KIAA1217: variants seen among roughly 807,000 people sequenced by gnomAD.
The protein encoded by KIAA1217 is KIAA1217.
KIAA1217 carries 88 observed loss-of-function variants against 163.9 expected under a neutral mutation model. That is an observed-to-expected ratio of 0.54 (90% CI 0.45 to 0.64). The LOEUF (loss-of-function observed/expected upper bound fraction) is 0.64. Ranked by LOEUF, KIAA1217 falls within the 30% of genes least tolerant of loss-of-function variation. The pLI is 0.00. For missense variants in KIAA1217, 2,372 were observed against 2,475.0 expected (o/e 0.96, Z 0.88); for synonymous variants, 903 against 923.1 (o/e 0.98, Z 0.39).
intron 1 of KIAA1217, among the ~76,000 whole-genome samples, chr10:23,743,207 G>A (rs2130814894): frequency 6.6e-6 from 1 of 151,324 alleles, no homozygotes; most frequent in Admixed American, 6.6e-5. Flanking sequence ...ATTGGAACTT[G>A]CCTCCTGATG....
chr10:24,435,620 C>T (rs2059956205), intron 4 of KIAA1217, among the ~76,000 whole-genome samples: 1 of 152,136 alleles, frequency 6.6e-6, no homozygotes, highest in South Asian at 2.1e-4. Context: ...CAATGAGTCA[C>T]CATTTTCTAG....
intron 1 of KIAA1217, among the ~76,000 whole-genome samples, chr10:23,785,770 A>C (rs545136196): frequency 6.6e-6 from 1 of 152,128 alleles, no homozygotes; most frequent in South Asian, 2.1e-4. Flanking sequence ...TAGCACTCAG[A>C]AATATATGTA....
rs2075457117 is a variant in KIAA1217 at position 24,544,395 on chromosome 10, G to T, written c.5125G>T (p.Glu1709Ter). Reference sequence around the variant, plus strand: ...TGCAAGTTCATCCCACATAGCCCAAGAGGCCTCTCCCCGACCCTTGCTAGT... The same window carrying T: ...TGCAAGTTCATCCCACATAGCCCAATAGGCCTCTCCCCGACCCTTGCTAGT... ...SVASSSHIAQ[E>*]ASPRPLLVPD... Residue 1709 changes from glutamate to a stop codon, truncating the protein, a stop_gained, in exon 19 of 21, where the codon GAG (glutamate) becomes TAG (stop). Coordinates refer to ENST00000376454, the MANE Select transcript of KIAA1217 (RefSeq NM_019590.5). LOFTEE classifies it high-confidence loss of function. The T allele has an allele frequency of 6.2e-7, 1 of 1,613,912 alleles. No homozygotes were observed. The highest frequency in any genetic ancestry group is 8.5e-7 in the Non-Finnish European group (1 of 1,180,016).
chr10:24,183,552 G>C (rs1046209097), intron 2 of KIAA1217, among the ~76,000 whole-genome samples: 29 of 152,156 alleles, frequency 1.9e-4, no homozygotes, highest in African/African-American at 7.0e-4. Context: ...TATGCAAAAG[G>C]CTTTAAAACT....
chr10:24,264,637 C>T (rs1564368001), intron 2 of KIAA1217, among the ~76,000 whole-genome samples: 1 of 152,128 alleles, frequency 6.6e-6, no homozygotes, highest in Non-Finnish European at 1.5e-5. Flanking sequence ...AGAACTTGTG[C>T]TGAAAAAACA....
chr10:23,742,033 C>T (rs530229186), intron 1 of KIAA1217, among the ~76,000 whole-genome samples: 1 of 152,202 alleles, frequency 6.6e-6, no homozygotes, highest in East Asian at 1.9e-4. Context: ...TAGGGGCAGG[C>T]AGGCCAATTA....
intron 2 of KIAA1217, among the ~76,000 whole-genome samples, chr10:24,293,507 G>C (rs1194094492): frequency 6.6e-6 from 1 of 152,192 alleles, no homozygotes; most frequent in African/African-American, 2.4e-5. Context: ...GGAAACAACA[G>C]ATATGCTCAG....
chr10:23,775,366 G>T (rs1834964331), intron 1 of KIAA1217, among the ~76,000 whole-genome samples: 1 of 152,170 alleles, frequency 6.6e-6, no homozygotes, highest in Non-Finnish European at 1.5e-5. Context: ...ATATTTTGTT[G>T]TCTGGGAAAC....
chr10:24,132,040 G>C (rs1232239439), intron 2 of KIAA1217, among the ~76,000 whole-genome samples: 1 of 152,156 alleles, frequency 6.6e-6, no homozygotes, highest in African/African-American at 2.4e-5. Context: ...ACTCATTCAG[G>C]GACCCAAGCT....
At chr10:23,813,797 C>T (rs1017043573) in intron 1 of KIAA1217, among the ~76,000 whole-genome samples, 3 of 152,098 alleles carry the variant, frequency 2.0e-5, no homozygotes, top group Admixed American at 2.0e-4. Context: ...AGACTGCATG[C>T]AAATTGTTTT....
chr10:24,325,720 A>G (rs1441859075), intron 2 of KIAA1217, among the ~76,000 whole-genome samples: 3 of 152,178 alleles, frequency 2.0e-5, no homozygotes, highest in Non-Finnish European at 2.9e-5. Context: ...ACAGAATGGT[A>G]TGTAATGGGG....
intron 1 of KIAA1217, among the ~76,000 whole-genome samples, chr10:23,975,879 T>C (rs936508844): frequency 2.6e-5 from 4 of 152,166 alleles, no homozygotes; most frequent in Non-Finnish European, 5.9e-5. Context: ...TTGTTAGAAT[T>C]CCATGCCCAA....
At chr10:24,034,279 C>T (rs1848301731) in intron 2 of KIAA1217, among the ~76,000 whole-genome samples, 1 of 152,100 alleles carries the variant, frequency 6.6e-6, no homozygotes, top group South Asian at 2.1e-4. Flanking sequence ...ACAAAGCTAG[C>T]CAGGTGCTGT....
rs766652324 is a variant in KIAA1217, at chr10:24,433,056, A to C, written c.615A>C (p.Thr205=). ...TKQLRMPNEI[T]SADTIRALFV... is the part of the protein sequence containing the mutation. Reference sequence around the variant, plus strand: ...AGCTCAGGATGCCGAATGAAATCACAAGTGCAGACACAATCCGTGCTCTCT... The same window carrying C: ...AGCTCAGGATGCCGAATGAAATCACCAGTGCAGACACAATCCGTGCTCTCT... The change falls in exon 4 of 21, where the codon ACA becomes ACC. Residue 205 remains threonine, a synonymous_variant. Transcript: ENST00000376454. 1 of 1,614,128 alleles carries C rather than the reference A, an allele frequency of 6.2e-7. No individual in the cohort carries two copies. The highest frequency in any genetic ancestry group is 8.5e-7 in the Non-Finnish European group (1 of 1,180,036).
At chr10:24,253,289 C>T (rs1278231561) in intron 2 of KIAA1217, among the ~76,000 whole-genome samples, 2 of 152,088 alleles carry the variant, frequency 1.3e-5, no homozygotes, top group Non-Finnish European at 2.9e-5. Flanking sequence ...TGGAAGTCCC[C>T]TTTCGATGGG....
intron 2 of KIAA1217, among the ~76,000 whole-genome samples, chr10:24,130,824 A>C (rs368891615): frequency 7.2e-5 from 11 of 152,218 alleles, no homozygotes; most frequent in African/African-American, 2.7e-4. Context: ...ACTTCTTTAT[A>C]AAATCTCTGG....
intron 1 of KIAA1217, among the ~76,000 whole-genome samples, chr10:23,992,466 C>A (rs1846259700): frequency 6.6e-6 from 1 of 152,066 alleles, no homozygotes; most frequent in Admixed American, 6.6e-5. Context: ...TGGAGGCTGA[C>A]AAAGGCAAAG....
chr10:24,132,542 G>A (rs2063693214), intron 2 of KIAA1217, among the ~76,000 whole-genome samples: 1 of 152,220 alleles, frequency 6.6e-6, no homozygotes, highest in South Asian at 2.1e-4. Context: ...GTCTTCTAAA[G>A]GAGCAGTTTC....
chr10:23,709,391 G>T (rs147958686), intron 1 of KIAA1217, among the ~76,000 whole-genome samples: 44 of 152,040 alleles, frequency 2.9e-4, no homozygotes, highest in African/African-American at 1.1e-3. Context: ...AGCCAGGCAC[G>T]GTGGTTACAC....
Sources: gnomAD v4.1 joint callset for allele counts (sites outside exome capture counted in the v4.1 genomes callset) on GRCh38, gnomAD v4.1.1 for gene constraint, MANE v1.5 for transcripts, NCBI Gene and HGNC (gene_info 2026-07-23, HGNC 2026-07-21) for gene names.